The following HCN1 variants were observed in gnomAD, a reference collection of about 807,000 sequenced individuals.
HCN1 encodes the protein potassium/sodium hyperpolarization-activated cyclic nucleotide-gated channel 1.
In HCN1, 13 loss-of-function variants were observed where a neutral mutation model predicts 78.9. The ratio of observed to expected loss-of-function variants is 0.16; its 90% CI spans 0.11 to 0.26. HCN1 has a LOEUF of 0.26. Among genes scored for constraint, HCN1 ranks in the 10% least tolerant of loss-of-function variants. The pLI is 1.00. For synonymous variants in HCN1, 552 were observed against 455.5 expected (o/e 1.21, Z -2.70); for missense variants, 810 against 1,154.3 (o/e 0.70, Z 4.32).
At chr5:45,322,361 G>A (rs1044178561) in intron 5 of HCN1, among the ~76,000 whole-genome samples, 7 of 151,746 alleles carry the variant, frequency 4.6e-5, no homozygotes, top group African/African-American at 1.7e-4. Context: ...GTAGTATAAT[G>A]ACCACAATGA....
chr5:45,343,997 A>G (rs1746643847), intron 5 of HCN1, among the ~76,000 whole-genome samples: 1 of 152,210 alleles, frequency 6.6e-6, no homozygotes, highest in South Asian at 2.1e-4. Context: ...TAATAAAGAC[A>G]TAACTGAGAC....
intron 6 of HCN1, among the ~76,000 whole-genome samples, chr5:45,300,828 C>T (rs1745599414): frequency 6.6e-6 from 1 of 152,090 alleles, no homozygotes; most frequent in African/African-American, 2.4e-5. Context: ...AAAGCAGGCC[C>T]TGTTAGATTC....
In HCN1 at chr5:45,257,326, A is replaced by G. The variant is rs1744636787; in HGVS notation, c.*4595T>C. ...GACACTCCAGCTGCATTGAACTGCC[A>G]GTGTTCCCAATCAGCTGTGCTCTGT... On this transcript the variant is annotated 3_prime_UTR_variant, in exon 8 of 8. Transcript: ENST00000303230. The G allele has an allele frequency of 6.6e-6, 1 of 152,202 alleles. No homozygotes were observed. The highest frequency in any genetic ancestry group is 2.4e-5 in the African/African-American group (1 of 41,456). 9.4% of individuals were successfully genotyped at this position (152,202 alleles called of 1,614,324 possible). A position where few individuals can be genotyped will look rare whatever the true frequency, so the allele number is the denominator to read the frequency against.
chr5:45,696,014 G>C lies in HCN1; in HGVS notation c.80C>G (p.Ala27Gly), dbSNP rs1461851528. ...GNSVFPAKAS[A>G]TGAGPAAAEK... ...GGCCGCGGCCGGCCCCGCGCCCGTC[G>C]CGGACGCCTTGGCGGGGAAGACGCT... is the stretch of plus-strand genomic sequence containing the variant. The change falls in exon 1 of 8, where the codon GCG (alanine) becomes GGG (glycine). Residue 27 changes from alanine to glycine, a missense_variant. Transcript: ENST00000303230. 1.5e-6 allele frequency: 2 copies of C among 1,306,302 alleles called. No individual in the cohort carries two copies. Among genetic ancestry groups the C allele is most frequent in the Non-Finnish European group, 2.0e-6 (2 of 1,020,562 alleles). 80.9% of individuals were successfully genotyped at this position (1,306,302 alleles called of 1,614,324 possible).
At chr5:45,684,456 T>C (rs1739764100) in intron 1 of HCN1, among the ~76,000 whole-genome samples, 1 of 152,194 alleles carries the variant, frequency 6.6e-6, no homozygotes, top group Non-Finnish European at 1.5e-5. Context: ...ATATTCAGGG[T>C]AAATATCAAA....
intron 5 of HCN1, among the ~76,000 whole-genome samples, chr5:45,350,207 AG>A (rs1410776412): frequency 6.6e-6 from 1 of 152,192 alleles, no homozygotes; most frequent in Non-Finnish European, 1.5e-5. Context: ...CTGGGATGCA[AG>A]GCTGGTTCAA....
At chr5:45,547,030 A>G (rs1048591189) in intron 2 of HCN1, among the ~76,000 whole-genome samples, 3 of 151,944 alleles carry the variant, frequency 2.0e-5, no homozygotes, top group South Asian at 2.1e-4. Context: ...ACCGGTCTCT[A>G]TGATTCTCTA....
intron 4 of HCN1, among the ~76,000 whole-genome samples, chr5:45,370,644 A>G (rs548804904): frequency 6.6e-6 from 1 of 152,222 alleles, no homozygotes; most frequent in Admixed American, 6.6e-5. Context: ...AGAGATAAAT[A>G]TAATTTATCA....
chr5:45,300,758 T>A (rs1464730860), intron 6 of HCN1, among the ~76,000 whole-genome samples: 1 of 152,084 alleles, frequency 6.6e-6, no homozygotes, highest in African/African-American at 2.4e-5. Flanking sequence ...TTATCCCATC[T>A]AACTTCAATA....
At chr5:45,613,329 T>A (rs1301458233) in intron 2 of HCN1, among the ~76,000 whole-genome samples, 7 of 152,074 alleles carry the variant, frequency 4.6e-5, no homozygotes, top group Non-Finnish European at 1.5e-5. Flanking sequence ...ACAAAGGACA[T>A]GAACTCATCA....
At chr5:45,693,738 G>A (rs535105146) in intron 1 of HCN1, among the ~76,000 whole-genome samples, 3 of 152,014 alleles carry the variant, frequency 2.0e-5, no homozygotes, top group South Asian at 4.1e-4. Context: ...TTTAGCAAGT[G>A]GGAAAAAGTT....
chr5:45,451,066 T>C (rs192978269), intron 3 of HCN1, among the ~76,000 whole-genome samples: 410 of 152,292 alleles, frequency 2.7e-3, no homozygotes, highest in Non-Finnish European at 4.7e-3. Flanking sequence ...TGTACAACAC[T>C]AAATCACCAT....
chr5:45,290,316 C>A (rs1468860585), intron 6 of HCN1, among the ~76,000 whole-genome samples: 3 of 151,982 alleles, frequency 2.0e-5, no homozygotes, highest in African/African-American at 7.2e-5. Flanking sequence ...ATACAGGGCA[C>A]TAATCCTATT....
At chr5:45,424,127 A>C (rs1282096605) in intron 3 of HCN1, among the ~76,000 whole-genome samples, 1 of 148,616 alleles carries the variant, frequency 6.7e-6, no homozygotes, top group East Asian at 2.0e-4. Context: ...TCCAAAAAAA[A>C]AAAAAAAAAA....
At chr5:45,318,066 T>C (rs1213938861) in intron 5 of HCN1, among the ~76,000 whole-genome samples, 1 of 152,158 alleles carries the variant, frequency 6.6e-6, no homozygotes, top group Non-Finnish European at 1.5e-5. Context: ...CATTATTGGG[T>C]ATATACTCAA....
chr5:45,694,077 C>T (rs1739961716), intron 1 of HCN1, among the ~76,000 whole-genome samples: 1 of 152,150 alleles, frequency 6.6e-6, no homozygotes, highest in Admixed American at 6.5e-5. Context: ...CAACCTTATA[C>T]ATCTTAGAAC....
chr5:45,371,912 A>AC (rs1261950342), intron 4 of HCN1, among the ~76,000 whole-genome samples: 3 of 110,156 alleles, frequency 2.7e-5, no homozygotes, highest in African/African-American at 7.0e-5. Flanking sequence ...TATTATAAAA[A>AC]ATATATAATA....
intron 2 of HCN1, among the ~76,000 whole-genome samples, chr5:45,510,904 A>G (rs571667699): frequency 1.3e-5 from 2 of 152,254 alleles, no homozygotes; most frequent in African/African-American, 4.8e-5. Flanking sequence ...ATATCCAGTT[A>G]ATATTTAGTG....
intron 2 of HCN1, among the ~76,000 whole-genome samples, chr5:45,630,390 AATG>A (rs1580007609): frequency 6.6e-6 from 1 of 152,312 alleles, no homozygotes; most frequent in East Asian, 1.9e-4. Flanking sequence ...TTATGGTGAC[AATG>A]ATACTACCTA....
Sources: gnomAD v4.1 joint callset for allele counts (sites outside exome capture counted in the v4.1 genomes callset) on GRCh38, gnomAD v4.1.1 for gene constraint, MANE v1.5 for transcripts, NCBI Gene and HGNC (gene_info 2026-07-23, HGNC 2026-07-21) for gene names.